The following COPZ1 variants were observed in gnomAD, a reference collection of about 807,000 sequenced individuals.
The protein encoded by COPZ1 is coatomer subunit zeta-1.
Under a neutral mutation model 31.7 loss-of-function variants are expected in COPZ1, and 4 were observed. The ratio of observed to expected loss-of-function variants is 0.13; its 90% CI spans 0.06 to 0.29. The LOEUF is 0.29. COPZ1 is among the 10% of genes least tolerant of loss of function. COPZ1 has a pLI of 1.00. For synonymous variants in COPZ1, 74 were observed against 79.0 expected (o/e 0.94, Z 0.33); for missense variants, 156 against 211.5 (o/e 0.74, Z 1.63).
At position 54,350,666 on chromosome 12, in the gene COPZ1, C is replaced by A. The variant is rs1954131816; in HGVS notation, c.*143C>A. 2 of 713,782 alleles carry A rather than the reference C, an allele frequency of 2.8e-6. No homozygotes were observed. The highest frequency in any genetic ancestry group is 5.1e-6 in the Non-Finnish European group (2 of 393,184). The allele number at this position is 713,782 out of a possible 1,614,324, so 44.2% of individuals were successfully genotyped here. A position where few individuals can be genotyped will look rare whatever the true frequency, so the allele number is the denominator to read the frequency against. On this transcript the variant is annotated 3_prime_UTR_variant, in exon 9 of 9. Transcript: ENST00000262061. ...TAAATCTCCATTCTGTTTGTGGTTGCCCCCTCAACCTCCCCTACACCCTTC... is the reference window on the plus strand; with the variant it reads ...TAAATCTCCATTCTGTTTGTGGTTGACCCCTCAACCTCCCCTACACCCTTC...
intron 1 of COPZ1, among the ~76,000 whole-genome samples, chr12:54,336,621 G>A (rs190579884): frequency 1.1e-4 from 17 of 152,058 alleles, no homozygotes; most frequent in Non-Finnish European, 2.4e-4. Flanking sequence ...GCAGGTCACC[G>A]AGAAGGCCCA....
At chr12:54,333,528 A>G (rs1164452494) in intron 1 of COPZ1, among the ~76,000 whole-genome samples, 1 of 152,066 alleles carries the variant, frequency 6.6e-6, no homozygotes, top group Non-Finnish European at 1.5e-5. Context: ...ATTTGAGTTA[A>G]TGGCTGATCC....
chr12:54,330,184 C>T lies in COPZ1; in HGVS notation c.18+5003C>T, dbSNP rs183132573. ...GCACTGCCCCCGGTGAGGTCCCTGG[C>T]AGCAATAAAAATTTTTATTGTGATT... On this transcript the variant is annotated intron_variant, in intron 1 of 8. Transcript: ENST00000262061. Among the ~76,000 whole-genome samples, 1,148 of 152,186 alleles carry T rather than the reference C, an allele frequency of 7.5e-3. 52 individuals carry two copies. The highest frequency in any genetic ancestry group is 0.071 in the Admixed American group (1,080 of 15,264).
Position 54,343,309 on chromosome 12 carries a change from A to G in COPZ1, c.254A>G (p.Glu85Gly). 1 of 1,612,278 alleles carries G rather than the reference A, an allele frequency of 6.2e-7. No homozygotes were observed. ...LYFYVIGSSY[E>G]NELMLMAVLN... ...TTCTATGTGATTGGCAGCTCCTATG[A>G]AAATGAGGTGAGAATCCCCACCCCT... The change falls in exon 4 of 9, where the codon GAA becomes GGA. Residue 85 changes from glutamate to glycine, a missense_variant. Coordinates refer to ENST00000262061, the MANE Select transcript of COPZ1 (RefSeq NM_016057.3).
intron 1 of COPZ1, among the ~76,000 whole-genome samples, chr12:54,331,877 T>C (rs966343190): frequency 5.3e-5 from 8 of 152,362 alleles, no homozygotes; most frequent in African/African-American, 1.9e-4. Flanking sequence ...AATGTTCTAA[T>C]GGTGCTCTCA....
At chr12:54,334,749 C>T (rs1592200373) in intron 1 of COPZ1, among the ~76,000 whole-genome samples, 1 of 150,664 alleles carries the variant, frequency 6.6e-6, no homozygotes. Flanking sequence ...CCCAGCCACT[C>T]GGGAGGCTGA....
At chr12:54,327,833 G>T (rs1953682077) in intron 1 of COPZ1, among the ~76,000 whole-genome samples, 1 of 152,140 alleles carries the variant, frequency 6.6e-6, no homozygotes, top group Non-Finnish European at 1.5e-5. Flanking sequence ...TAGGGAATTG[G>T]TTTTTTTGGA....
rs370526954 is a variant in COPZ1, at chr12:54,343,356, T to G, written c.261+40T>G. 20 of 1,541,574 alleles carry G rather than the reference T, an allele frequency of 1.3e-5. No individual in the cohort carries two copies. The African/African-American group carries it at 1.9e-4, about 15-fold the overall frequency. Reference sequence around the variant, plus strand: ...CCCTCTTTGCTATTTCTGATCCTACTTTCTAAACCACAGGCAGTACATAGC... The same window carrying G: ...CCCTCTTTGCTATTTCTGATCCTACGTTCTAAACCACAGGCAGTACATAGC... On this transcript the variant is annotated intron_variant, in intron 4 of 8. Transcript: ENST00000262061.
intron 1 of COPZ1, chr12:54,325,633 C>T (rs1390296855): frequency 6.2e-6 from 1 of 162,078 alleles, no homozygotes; most frequent in Non-Finnish European, 1.4e-5. Flanking sequence ...TGCCACATTC[C>T]TTCAGGAAAC....
chr12:54,347,737 T>TTATTC (rs1954088277), intron 5 of COPZ1, 30 bp from the exon 6 acceptor site: 3 of 1,598,660 alleles, frequency 1.9e-6, no homozygotes, highest in Non-Finnish European at 1.7e-6. Flanking sequence ...TACAAGTTGG[T>TTATTC]TATTCTCTTC....
chr12:54,328,886 G>A (rs1953706542), intron 1 of COPZ1, among the ~76,000 whole-genome samples: 1 of 152,194 alleles, frequency 6.6e-6, no homozygotes, highest in African/African-American at 2.4e-5. Context: ...GGACAGGTAA[G>A]CTACAGGGGG....
intron 1 of COPZ1, among the ~76,000 whole-genome samples, chr12:54,326,537 A>G (rs1953647874): frequency 6.7e-6 from 1 of 149,464 alleles, no homozygotes; most frequent in Non-Finnish European, 1.5e-5. Flanking sequence ...TCTTGTCCAT[A>G]TGATGCTTTA....
chr12:54,329,499 G>T (rs1435295627), intron 1 of COPZ1, among the ~76,000 whole-genome samples: 1 of 152,046 alleles, frequency 6.6e-6, no homozygotes, highest in African/African-American at 2.4e-5. Flanking sequence ...CAGGAGAATC[G>T]CTTGAACCTG....
intron 1 of COPZ1, among the ~76,000 whole-genome samples, chr12:54,338,266 A>G (rs73314650): frequency 0.024 from 3,660 of 152,328 alleles, 156 homozygotes; most frequent in African/African-American, 0.084. Context: ...CTTTTCTTCC[A>G]TTAAGAAAAC....
chr12:54,325,984 A>G (rs1237022432), intron 1 of COPZ1, among the ~76,000 whole-genome samples: 8 of 146,488 alleles, frequency 5.5e-5, no homozygotes, highest in Admixed American at 4.1e-4. Context: ...ACGCCCGGCT[A>G]TTTTTTTTGT....
At chr12:54,337,533 C>T (rs1370348869) in intron 1 of COPZ1, among the ~76,000 whole-genome samples, 4 of 152,216 alleles carry the variant, frequency 2.6e-5, no homozygotes, top group Non-Finnish European at 5.9e-5. Flanking sequence ...TCAGTAATGA[C>T]TTCTGGGGCC....
At chr12:54,349,436 T>C (rs776228776) in intron 7 of COPZ1, among the ~76,000 whole-genome samples, 184 bp from the exon 8 acceptor site, 3 of 152,196 alleles carry the variant, frequency 2.0e-5, no homozygotes, top group Non-Finnish European at 4.4e-5. Context: ...CCCTTTTTTG[T>C]TCATAGTCCC....
At chr12:54,325,571 T>TA (rs1278113016) in intron 1 of COPZ1, 1 of 177,634 alleles carries the variant, frequency 5.6e-6, no homozygotes, top group Non-Finnish European at 1.2e-5. Context: ...GTTTTGTCGT[T>TA]ACAGACTCCT....
intron 4 of COPZ1, 51 bp downstream of exon 4, chr12:54,343,367 CAGGCAGTACAT>C: frequency 3.4e-6 from 5 of 1,465,636 alleles, no homozygotes; most frequent in Non-Finnish European, 4.8e-6. Flanking sequence ...TTCTAAACCA[CAGGCAGTACAT>C]AGCCACTGGT....
Sources: allele counts gnomAD v4.1 joint callset (sites outside exome capture counted in the v4.1 genomes callset), GRCh38; gene constraint gnomAD v4.1.1; transcripts MANE v1.5; gene names NCBI Gene and HGNC (gene_info 2026-07-23, HGNC 2026-07-21).